NCS1: variants seen among roughly 807,000 people sequenced by gnomAD.
NCS1 encodes the protein frequenin homolog.
Under a neutral mutation model 28.4 loss-of-function variants are expected in NCS1, and 6 were observed. That is an observed-to-expected ratio of 0.21 (90% CI 0.12 to 0.42). The LOEUF is 0.42. Ranked by LOEUF, NCS1 falls within the 10% of genes least tolerant of loss-of-function variation. The probability of loss-of-function intolerance (pLI) is 1.00; values close to 1 mark genes in which losing one functional copy is unlikely to be tolerated. For missense variants in NCS1, 131 were observed against 241.4 expected, an observed-to-expected ratio of 0.54 and a Z score of 3.03; for synonymous variants, 86 against 99.3, an observed-to-expected ratio of 0.87 and a Z score of 0.79.
intron 2 of NCS1, among the ~76,000 whole-genome samples, chr9:130,206,800 A>C (rs1056017582): frequency 3.9e-5 from 6 of 151,920 alleles, no homozygotes; most frequent in Admixed American, 2.0e-4. Flanking sequence ...AGGATTCCTG[A>C]GCCCCGGCTT....
At chr9:130,189,661 G>T (rs1454671658) in intron 1 of NCS1, among the ~76,000 whole-genome samples, 1 of 151,792 alleles carries the variant, frequency 6.6e-6, no homozygotes, top group Non-Finnish European at 1.5e-5. Flanking sequence ...AGTCAACATG[G>T]TGAAACCCTG....
intron 1 of NCS1, among the ~76,000 whole-genome samples, chr9:130,185,886 G>A (rs1047780817): frequency 7.9e-5 from 12 of 152,254 alleles, no homozygotes; most frequent in African/African-American, 2.7e-4. Flanking sequence ...CCTTTGCTGC[G>A]CCTGAGCGCA....
At chr9:130,223,536 AGAATCTGT>A (rs1833369025) in intron 6 of NCS1, among the ~76,000 whole-genome samples, 1 of 152,208 alleles carries the variant, frequency 6.6e-6, no homozygotes, top group South Asian at 2.1e-4. Flanking sequence ...TTTTAAAAAA[AGAATCTGT>A]GATGTAGCGT....
At chr9:130,204,866 C>T (rs1187550372) in intron 2 of NCS1, among the ~76,000 whole-genome samples, 2 of 152,152 alleles carry the variant, frequency 1.3e-5, no homozygotes, top group East Asian at 3.9e-4. Context: ...ACTTTCTCCG[C>T]ATTAGGCGGA....
chr9:130,227,361 A>G (rs1360268772), intron 7 of NCS1, among the ~76,000 whole-genome samples: 1 of 152,228 alleles, frequency 6.6e-6, no homozygotes, highest in Non-Finnish European at 1.5e-5. Flanking sequence ...TCCAGAGATC[A>G]GCGTTCTTGT....
rs556369087 is a variant in NCS1, at chr9:130,232,307, T to A, written c.*18-683T>A. Among the ~76,000 whole-genome samples the A allele has an allele frequency of 2.0e-5, 3 of 152,344 alleles. No individual in the cohort carries two copies. The highest frequency in any genetic ancestry group is 2.0e-4 in the Admixed American group (3 of 15,298). On this transcript the variant is annotated intron_variant, in intron 7 of 7. Coordinates refer to ENST00000372398, the MANE Select transcript of NCS1 (RefSeq NM_014286.4). The surrounding 1 kb of genome is among the most constrained non-coding windows in gnomAD (Gnocchi z 4.4). Reference sequence around the variant, plus strand: ...TAGGGATGTTGGGCATCTTTTCATGTGTTTATCGACTGTTCTATGTGTTGT... The same window carrying A: ...TAGGGATGTTGGGCATCTTTTCATGAGTTTATCGACTGTTCTATGTGTTGT...
At chr9:130,183,309 G>GT (rs63358362) in intron 1 of NCS1, among the ~76,000 whole-genome samples, 5 of 114,054 alleles carry the variant, frequency 4.4e-5, no homozygotes, top group East Asian at 2.2e-4. Flanking sequence ...ATGCGGCTGG[G>GT]GGGGGGAGCT....
chr9:130,186,116 C>T lies in NCS1; in HGVS notation c.64+13389C>T, dbSNP rs1456747302. Reference sequence around the variant, plus strand: ...TGTGTGGCCAAACGGGTTCCTGGGCCACCTTGCCAGCCCTCACTCCTTGAT... The same window carrying T: ...TGTGTGGCCAAACGGGTTCCTGGGCTACCTTGCCAGCCCTCACTCCTTGAT... On this transcript the variant is annotated intron_variant, in intron 1 of 7. Coordinates refer to ENST00000372398, the MANE Select transcript of NCS1 (RefSeq NM_014286.4). The surrounding 1 kb of genome is among the most constrained non-coding windows in gnomAD (Gnocchi z 4.1). 1.3e-5 allele frequency among the ~76,000 whole-genome samples: 2 copies of T among 152,174 alleles called. No individual in the cohort carries two copies. Among genetic ancestry groups the T allele is most frequent in the Non-Finnish European group, 2.9e-5 (2 of 68,030 alleles).
intron 1 of NCS1, among the ~76,000 whole-genome samples, chr9:130,179,168 G>A (rs1043091713): frequency 1.3e-5 from 2 of 151,508 alleles, no homozygotes; most frequent in Admixed American, 6.6e-5. Context: ...CCTGACCTCA[G>A]GTGATTCACT....
At chr9:130,203,590 T>C (rs560976764) in intron 2 of NCS1, among the ~76,000 whole-genome samples, 276 of 152,212 alleles carry the variant, frequency 1.8e-3, no homozygotes, top group African/African-American at 6.1e-3. Context: ...CTGGCCCCGA[T>C]TGTGGCTGCT....
chr9:130,223,210 G>C, intron 6 of NCS1, 51 bp downstream of exon 6: 2 of 1,561,502 alleles, frequency 1.3e-6, no homozygotes, highest in South Asian at 2.2e-5. Context: ...AAGGTGTCGG[G>C]GGCAGGAATT....
intron 1 of NCS1, among the ~76,000 whole-genome samples, chr9:130,197,967 GA>G (rs35362310): frequency 0.79 from 98,397 of 124,526 alleles, 38,392 homozygotes; most frequent in East Asian, 0.96. Flanking sequence ...TTTGTCTCCA[GA>G]AAAAAAAAAA....
At chr9:130,194,458 C>G in intron 1 of NCS1, among the ~76,000 whole-genome samples, 1 of 152,092 alleles carries the variant, frequency 6.6e-6, no homozygotes, top group East Asian at 1.9e-4. Context: ...CAGCTGCCCT[C>G]CCCTTCTGCA....
chr9:130,179,999 CTAT>C (rs1564701829), intron 1 of NCS1, among the ~76,000 whole-genome samples: 2 of 550 alleles, frequency 3.6e-3, no homozygotes, highest in African/African-American at 4.4e-3. Context: ...TTCTTTTTAT[CTAT>C]CTATCTATCT....
chr9:130,185,353 A>G (rs917561280), intron 1 of NCS1, among the ~76,000 whole-genome samples: 1 of 152,276 alleles, frequency 6.6e-6, no homozygotes, highest in African/African-American at 2.4e-5. Flanking sequence ...GAGCAAGCCA[A>G]TGAATGAACG....
Position 130,232,191 on chromosome 9 carries a change from C to G in NCS1, c.*18-799C>G, listed in dbSNP as rs1375632473. Among the ~76,000 whole-genome samples, 1 of 152,212 alleles carries G rather than the reference C, an allele frequency of 6.6e-6. No individual in the cohort carries two copies. Among genetic ancestry groups the G allele is most frequent in the Non-Finnish European group, 1.5e-5 (1 of 68,034 alleles). On this transcript the variant is annotated intron_variant, in intron 7 of 7. Transcript: ENST00000372398. The surrounding 1 kb of genome is among the most constrained non-coding windows in gnomAD (Gnocchi z 4.4). Reference sequence around the variant, plus strand: ...TGAACTCCTGGCCTCAAGCGATCCTCCTGCCTTGGCCTCCCAAAGTGCTAG... The same window carrying G: ...TGAACTCCTGGCCTCAAGCGATCCTGCTGCCTTGGCCTCCCAAAGTGCTAG...
intron 6 of NCS1, among the ~76,000 whole-genome samples, chr9:130,225,095 A>G (rs1645088716): frequency 1.3e-5 from 2 of 152,148 alleles, no homozygotes; most frequent in African/African-American, 4.8e-5. Context: ...GGGAGGCTGA[A>G]GTGGGAGGAT....
At chr9:130,172,831 C>T (rs1235429629) in intron 1 of NCS1, 104 bp downstream of exon 1, 10 of 543,876 alleles carry the variant, frequency 1.8e-5, no homozygotes, top group East Asian at 1.8e-4. Flanking sequence ...GCGCTGCCGC[C>T]TCCGCTCCGT....
chr9:130,176,825 G>C (rs990037040), intron 1 of NCS1, among the ~76,000 whole-genome samples: 1 of 152,260 alleles, frequency 6.6e-6, no homozygotes, highest in Non-Finnish European at 1.5e-5. Flanking sequence ...CGGGTTATCC[G>C]AAAACTCCAG....
Sources: gnomAD v4.1 joint callset for allele counts (sites outside exome capture counted in the v4.1 genomes callset) on GRCh38, gnomAD v4.1.1 for gene constraint, Gnocchi (gnomAD v3.1) non-coding constraint, MANE v1.5 for transcripts, NCBI Gene and HGNC (gene_info 2026-07-23, HGNC 2026-07-21) for gene names.